Variants in WDR19 observed in about 807,000 individuals in gnomAD.
WDR19 encodes the protein WD repeat-containing protein 19.
Under a neutral mutation model 180.0 loss-of-function variants are expected in WDR19, and 121 were observed. The ratio of observed to expected loss-of-function variants is 0.67; its 90% CI spans 0.58 to 0.78. The LOEUF is 0.78. Ranked by LOEUF, WDR19 falls within the 30% of genes least tolerant of loss-of-function variation. WDR19 has a pLI of 0.00. For synonymous variants in WDR19, 497 were observed against 540.7 expected (o/e 0.92, Z 1.12); for missense variants, 1,450 against 1,640.7 (o/e 0.88, Z 2.01).
chr4:39,237,286 C>T (rs569545047), intron 20 of WDR19, among the ~76,000 whole-genome samples: 10 of 152,190 alleles, frequency 6.6e-5, no homozygotes, highest in Non-Finnish European at 1.0e-4. Context: ...GGACCAGGTA[C>T]GGTGACTCAT....
intron 9 of WDR19, among the ~76,000 whole-genome samples, chr4:39,211,970 AGAGAGAGAGAGAGAG>A (rs1261057417): frequency 6.8e-6 from 1 of 146,302 alleles, no homozygotes; most frequent in African/African-American, 2.5e-5. Context: ...AGAGAGAGAG[AGAGAGAGAGAGAGAG>A]ATAGATAGAT....
intron 21 of WDR19, among the ~76,000 whole-genome samples, chr4:39,243,010 A>G (rs1254251729): frequency 6.6e-6 from 1 of 152,254 alleles, no homozygotes; most frequent in Non-Finnish European, 1.5e-5. Flanking sequence ...TGGGTATGGT[A>G]GCATTGCATC....
intron 36 of WDR19, 88 bp from the exon 37 acceptor site, chr4:39,285,399 T>A (rs995049395): frequency 6.6e-5 from 10 of 152,158 alleles, no homozygotes; most frequent in African/African-American, 2.4e-4. Flanking sequence ...CAAAAAAAAA[T>A]TCTTTTTAGT....
At position 39,263,128 on chromosome 4, in the gene WDR19, G is replaced by A. The variant is rs116462262; in HGVS notation, c.3184-2935G>A. ...CTGAAATGCCTCCTTGGTTTATGGA[G>A]GGGGAAGGGAAGTACGAGGCCCCTC... On this transcript the variant is annotated intron_variant, in intron 28 of 36. Transcript: ENST00000399820. 4.9e-3 allele frequency among the ~76,000 whole-genome samples: 720 copies of A among 146,654 alleles called. 1 individual carries two copies. The highest frequency in any genetic ancestry group is 7.1e-3 in the Non-Finnish European group (478 of 66,914).
At chr4:39,201,079 C>T (rs773810396) in intron 6 of WDR19, among the ~76,000 whole-genome samples, 3 of 151,916 alleles carry the variant, frequency 2.0e-5, no homozygotes, top group African/African-American at 4.8e-5. Context: ...GGGTTGGGGT[C>T]GGGGGTTTCC....
At chr4:39,281,691 T>C (rs1046563154) in intron 36 of WDR19, among the ~76,000 whole-genome samples, 7 of 152,192 alleles carry the variant, frequency 4.6e-5, no homozygotes, top group Non-Finnish European at 4.4e-5. Flanking sequence ...TTTAGCATCT[T>C]AAAACAACAC....
chr4:39,259,422 A>G (rs1027311120), intron 28 of WDR19, among the ~76,000 whole-genome samples: 3 of 152,146 alleles, frequency 2.0e-5, no homozygotes, highest in Non-Finnish European at 2.9e-5. Flanking sequence ...CTTGATTACT[A>G]TATGTATTAT....
intron 9 of WDR19, among the ~76,000 whole-genome samples, chr4:39,209,703 C>T (rs1728297050): frequency 1.7e-5 from 2 of 120,818 alleles, no homozygotes; most frequent in South Asian, 6.2e-4. Flanking sequence ...CAGAGCGAGA[C>T]TCTGTCTCAA....
rs565700621 is a variant in WDR19 at position 39,199,343 on chromosome 4, G to A, written c.407-135G>A. 5.8e-4 allele frequency: 378 copies of A among 655,124 alleles called. 4 individuals carry two copies. The South Asian group carries it at 7.2e-3, about 13-fold the overall frequency. 40.6% of individuals were successfully genotyped at this position (655,124 alleles called of 1,614,324 possible). On this transcript the variant is annotated intron_variant, in intron 5 of 36. Coordinates refer to ENST00000399820, the MANE Select transcript of WDR19 (RefSeq NM_025132.4). Reference sequence around the variant, plus strand: ...TTGGTAATAAACTGTTTTAAATAAGGTTGCGTAGACATTAACTGCTTTGAT... The same window carrying A: ...TTGGTAATAAACTGTTTTAAATAAGATTGCGTAGACATTAACTGCTTTGAT...
intron 36 of WDR19, among the ~76,000 whole-genome samples, chr4:39,282,168 A>G (rs1736604635): frequency 6.6e-6 from 1 of 152,172 alleles, no homozygotes. Context: ...TTATCACATC[A>G]TATCACAAGC....
At chr4:39,257,389 G>T in intron 27 of WDR19, 97 bp from the exon 28 acceptor site, 1 of 1,132,828 alleles carries the variant, frequency 8.8e-7, no homozygotes, top group South Asian at 1.4e-5. Flanking sequence ...TACTTTCACA[G>T]ACTGTAATTA....
intron 5 of WDR19, among the ~76,000 whole-genome samples, chr4:39,198,469 G>A (rs569621201): frequency 6.6e-6 from 1 of 152,166 alleles, no homozygotes; most frequent in South Asian, 2.1e-4. Context: ...GCTGAGGCAG[G>A]AGAATGGCAT....
chr4:39,270,523 A>C (rs751333771), intron 31 of WDR19, among the ~76,000 whole-genome samples: 7 of 152,056 alleles, frequency 4.6e-5, no homozygotes, highest in African/African-American at 1.2e-4. Flanking sequence ...TTACAGGCAC[A>C]CACCACCACA....
At chr4:39,249,115 G>A (rs1045184362) in intron 24 of WDR19, among the ~76,000 whole-genome samples, 2 of 152,108 alleles carry the variant, frequency 1.3e-5, no homozygotes, top group African/African-American at 4.8e-5. Flanking sequence ...CTCAGCAAAT[G>A]TAAAAGAACA....
chr4:39,251,083 G>A (rs1300674769), intron 24 of WDR19, among the ~76,000 whole-genome samples: 1 of 152,058 alleles, frequency 6.6e-6, no homozygotes, highest in African/African-American at 2.4e-5. Flanking sequence ...AAAGCTGGAG[G>A]CATCACACTA....
chr4:39,186,512 A>G (rs899979448), intron 2 of WDR19, 27 bp from the exon 3 acceptor site: 47 of 1,308,654 alleles, frequency 3.6e-5, no homozygotes, highest in Non-Finnish European at 4.8e-5. Context: ...AAAGTAAATC[A>G]TATCTTTATG....
intron 3 of WDR19, 40 bp from the exon 4 acceptor site, chr4:39,189,616 A>T: frequency 6.7e-7 from 1 of 1,499,822 alleles, no homozygotes; most frequent in South Asian, 1.4e-5. Context: ...ATTTTACTTT[A>T]AAAAACTGTA....
At chr4:39,232,633 C>T (rs1015097662) in intron 19 of WDR19, among the ~76,000 whole-genome samples, 3 of 150,858 alleles carry the variant, frequency 2.0e-5, no homozygotes, top group Non-Finnish European at 4.4e-5. Context: ...ACCTAGGAGG[C>T]AGAGATTGCA....
At chr4:39,260,288 C>T (rs1317904364) in intron 28 of WDR19, among the ~76,000 whole-genome samples, 4 of 151,238 alleles carry the variant, frequency 2.6e-5, no homozygotes, top group African/African-American at 4.9e-5. Flanking sequence ...TAGATGGTAC[C>T]GTGTACTTCC....
Sources: allele counts gnomAD v4.1 joint callset (sites outside exome capture counted in the v4.1 genomes callset), GRCh38; gene constraint gnomAD v4.1.1; transcripts MANE v1.5; gene names NCBI Gene and HGNC (gene_info 2026-07-23, HGNC 2026-07-21).